Variants in DYM observed in about 807,000 individuals in gnomAD.
DYM encodes the protein dymeclin.
A neutral mutation model predicts 93.1 loss-of-function variants in DYM; 78 were observed. The observed-to-expected ratio is 0.84, with a 90% CI of 0.70 to 1.01. The LOEUF (loss-of-function observed/expected upper bound fraction) is 1.01, where lower values mean the gene tolerates loss of function less well. Among genes scored for constraint, DYM ranks in the 50% least tolerant of loss-of-function variants. The pLI, the probability that DYM is intolerant of heterozygous loss-of-function variation, is 0.00. For missense variants in DYM, 789 were observed against 845.0 expected, an observed-to-expected ratio of 0.93 and a Z score of 0.82; for synonymous variants, 321 against 319.7, an observed-to-expected ratio of 1.00 and a Z score of -0.04.
At chr18:49,140,306 T>C (rs1338752525) in intron 15 of DYM, among the ~76,000 whole-genome samples, 2 of 152,170 alleles carry the variant, frequency 1.3e-5, no homozygotes, top group Non-Finnish European at 2.9e-5. Context: ...GATAGGAAAA[T>C]GACAAACATT....
At chr18:49,219,491 G>C (rs1212316631) in intron 13 of DYM, among the ~76,000 whole-genome samples, 2 of 151,984 alleles carry the variant, frequency 1.3e-5, no homozygotes, top group Non-Finnish European at 2.9e-5. Context: ...GATGAACATT[G>C]ATGCAAAAAT....
At chr18:49,064,377 A>C (rs753112113) in intron 17 of DYM, among the ~76,000 whole-genome samples, 88 of 152,242 alleles carry the variant, frequency 5.8e-4, no homozygotes, top group Non-Finnish European at 1.2e-3. Flanking sequence ...CCTCCTCAGA[A>C]GTCATTTGTC....
At chr18:49,352,660 T>C (rs2065211702) in intron 6 of DYM, among the ~76,000 whole-genome samples, 1 of 152,218 alleles carries the variant, frequency 6.6e-6, no homozygotes, top group African/African-American at 2.4e-5. Context: ...ATAGAAAAGA[T>C]GAATTTTGCT....
chr18:49,202,892 G>A (rs28712216), intron 14 of DYM, among the ~76,000 whole-genome samples: 72,338 of 122,866 alleles, frequency 0.59, 23,783 homozygotes, highest in Non-Finnish European at 0.74. Flanking sequence ...ACCCCGTCCG[G>A]GAGGGAGGTT....
At chr18:49,095,140 G>A (rs2079427915) in intron 17 of DYM, among the ~76,000 whole-genome samples, 4 of 152,094 alleles carry the variant, frequency 2.6e-5, no homozygotes, top group Non-Finnish European at 4.4e-5. Flanking sequence ...AGACTATAAT[G>A]TGCTGTCATG....
rs117931905 is a variant in DYM, at chr18:49,101,436, T to C, written c.1912-3921A>G. ...CCACTGTCATATACTGATTAATCAGTTGTTTACTTTGAGTAATGTCAAATC... is the reference window on the plus strand; with the variant it reads ...CCACTGTCATATACTGATTAATCAGCTGTTTACTTTGAGTAATGTCAAATC... On this transcript the variant is annotated intron_variant, in intron 16 of 17. Transcript: ENST00000675505. 3.6e-3 allele frequency among the ~76,000 whole-genome samples: 556 copies of C among 152,334 alleles called. 3 individuals are homozygous for C. Among genetic ancestry groups the C allele is most frequent in the Non-Finnish European group, 5.9e-3 (399 of 68,014 alleles).
intron 2 of DYM, among the ~76,000 whole-genome samples, chr18:49,403,406 C>A (rs1364065589): frequency 6.6e-6 from 1 of 152,100 alleles, no homozygotes; most frequent in Admixed American, 6.5e-5. Flanking sequence ...AAGCAACTTA[C>A]ATTTGTATGA....
intron 2 of DYM, among the ~76,000 whole-genome samples, chr18:49,413,846 C>T (rs1456184159): frequency 6.6e-6 from 1 of 152,032 alleles, no homozygotes; most frequent in African/African-American, 2.4e-5. Flanking sequence ...CCCGTCTCCA[C>T]TAAAAAATAC....
chr18:49,171,383 A>G (rs1393159236), intron 14 of DYM, among the ~76,000 whole-genome samples: 1 of 152,038 alleles, frequency 6.6e-6, no homozygotes, highest in Non-Finnish European at 1.5e-5. Flanking sequence ...CCTCTAACAC[A>G]CTAGTAACAG....
intron 2 of DYM, among the ~76,000 whole-genome samples, chr18:49,398,372 G>T (rs6507905): frequency 6.6e-6 from 1 of 152,040 alleles, no homozygotes; most frequent in Non-Finnish European, 1.5e-5. Context: ...GCATGTCTCC[G>T]CTCCTGGCCA....
At chr18:49,216,081 G>A (rs1045084713) in intron 13 of DYM, among the ~76,000 whole-genome samples, 24 of 152,326 alleles carry the variant, frequency 1.6e-4, no homozygotes, top group South Asian at 6.2e-4. Context: ...CTTAAAAAAC[G>A]GTGCACCACG....
chr18:49,241,147 A>C (rs2050549209), intron 13 of DYM, among the ~76,000 whole-genome samples: 1 of 152,210 alleles, frequency 6.6e-6, no homozygotes, highest in South Asian at 2.1e-4. Context: ...CACAGAACAC[A>C]CTTCGAGAAT....
At chr18:49,308,340 T>A (rs953558780) in intron 8 of DYM, among the ~76,000 whole-genome samples, 12 of 152,124 alleles carry the variant, frequency 7.9e-5, no homozygotes, top group African/African-American at 2.9e-4. Context: ...TCCTGCTGAC[T>A]TGAATGAAGA....
intron 2 of DYM, among the ~76,000 whole-genome samples, chr18:49,422,239 T>G (rs1332457801): frequency 6.6e-6 from 1 of 152,116 alleles, no homozygotes; most frequent in Non-Finnish European, 1.5e-5. Flanking sequence ...GAAAAAATGT[T>G]AAGGGCAGCC....
At chr18:49,358,457 A>G (rs974819961) in intron 6 of DYM, among the ~76,000 whole-genome samples, 4 of 152,208 alleles carry the variant, frequency 2.6e-5, no homozygotes, top group Admixed American at 6.5e-5. Flanking sequence ...CCTGTACTCG[A>G]CAAGTCACAG....
intron 6 of DYM, among the ~76,000 whole-genome samples, chr18:49,353,921 A>T (rs570512312): frequency 3.9e-5 from 6 of 152,190 alleles, no homozygotes; most frequent in African/African-American, 1.4e-4. Context: ...GTAGTAACAC[A>T]ACAAACTGGT....
chr18:49,305,222 G>A (rs922840793), intron 8 of DYM, among the ~76,000 whole-genome samples: 7 of 152,018 alleles, frequency 4.6e-5, no homozygotes, highest in African/African-American at 1.7e-4. Context: ...ATATTTGCCT[G>A]GCAAAACCCT....
At chr18:49,378,185 A>C (rs969483557) in intron 5 of DYM, among the ~76,000 whole-genome samples, 19 of 152,198 alleles carry the variant, frequency 1.2e-4, no homozygotes, top group African/African-American at 4.6e-4. Flanking sequence ...ATAAAATCTG[A>C]CTAGTTGGCT....
intron 15 of DYM, among the ~76,000 whole-genome samples, chr18:49,159,103 T>G (rs373863111): frequency 1.3e-5 from 2 of 152,340 alleles, no homozygotes; most frequent in South Asian, 2.1e-4. Context: ...GTATTATTTA[T>G]GTACGTGTGT....
Sources: gnomAD v4.1 joint callset for allele counts (sites outside exome capture counted in the v4.1 genomes callset) on GRCh38, gnomAD v4.1.1 for gene constraint, MANE v1.5 for transcripts, NCBI Gene and HGNC (gene_info 2026-07-23, HGNC 2026-07-21) for gene names.